Variants in DOT1L observed in about 807,000 individuals in gnomAD.
DOT1L encodes DOT1 like histone lysine methyltransferase, also known as histone-lysine N-methyltransferase, H3 lysine-79 specific.
Under a neutral mutation model 153.3 loss-of-function variants are expected in DOT1L, and 33 were observed. The observed-to-expected ratio is 0.22, with a 90% CI of 0.16 to 0.29. The LOEUF is 0.29. Ranked by LOEUF, DOT1L falls within the 10% of genes least tolerant of loss-of-function variation. DOT1L has a pLI of 1.00. For synonymous variants in DOT1L, 1,135 were observed against 965.1 expected (o/e 1.18, Z -3.26); for missense variants, 1,847 against 2,119.9 (o/e 0.87, Z 2.53).
At chr19:2,183,695 C>T (rs922239197) in intron 2 of DOT1L, among the ~76,000 whole-genome samples, 6 of 151,488 alleles carry the variant, frequency 4.0e-5, no homozygotes, top group African/African-American at 4.9e-5. Flanking sequence ...GGCGCATCCT[C>T]GGCTCCCTGC....
intron 2 of DOT1L, among the ~76,000 whole-genome samples, chr19:2,181,622 C>T (rs746762599): frequency 1.2e-4 from 19 of 152,210 alleles, no homozygotes; most frequent in Non-Finnish European, 2.9e-5. Context: ...AATGTGGGAT[C>T]TGCTTTTTTT....
At position 2,189,702 on chromosome 19, in the gene DOT1L, A is replaced by G. The variant is rs759089252; in HGVS notation, c.201-30A>G. The G allele has an allele frequency of 7.2e-5, 116 of 1,607,070 alleles. 1 individual carries two copies. The highest frequency in any genetic ancestry group is 7.5e-5 in the Non-Finnish European group (88 of 1,179,810). On this transcript the variant is annotated intron_variant, in intron 3 of 27. Transcript: ENST00000398665. Reference sequence around the variant, plus strand: ...ATGCATGCGGCTGGCTCCTGCCCGCATGACCAGGGCCTTCCCTTGCCTTTT... The same window carrying G: ...ATGCATGCGGCTGGCTCCTGCCCGCGTGACCAGGGCCTTCCCTTGCCTTTT...
intron 6 of DOT1L, among the ~76,000 whole-genome samples, chr19:2,194,100 G>C (rs1238589574): frequency 4.6e-5 from 7 of 152,220 alleles, no homozygotes. Flanking sequence ...GAGAAGCGGG[G>C]TGTTTTGGGT....
In DOT1L at chr19:2,197,007, C is replaced by T. The variant is rs60261364; in HGVS notation, c.651+2430C>T. Among the ~76,000 whole-genome samples the T allele has an allele frequency of 6.3e-3, 964 of 152,314 alleles. 6 individuals are homozygous for T. The highest frequency in any genetic ancestry group is 0.022 in the African/African-American group (900 of 41,564). ...TGTGATGGGTTTCCAGTGCTGAACG[C>T]GTCCGCCTTGGTCGGCGTGCGATTC... On this transcript the variant is annotated intron_variant, in intron 7 of 27. Transcript: ENST00000398665. This position sits in a 1 kb window ranked among gnomAD's most constrained non-coding sequence, Gnocchi z 4.1.
rs926414874 is a variant in DOT1L at position 2,207,798 on chromosome 19, G to GC, written c.963+124dup. The stretch of plus-strand genomic sequence containing the variant: ...AGACCCTCCCCTCAGAGCCCTCAAC[G>GC]CCCCCCGGCCCCTGAGCTCAGGCCC... On this transcript the variant is annotated intron_variant, in intron 11 of 27. Coordinates refer to ENST00000398665, the MANE Select transcript of DOT1L (RefSeq NM_032482.3). The surrounding 1 kb of genome is among the most constrained non-coding windows in gnomAD (Gnocchi z 4.5). 35 of 913,546 alleles carry GC rather than the reference G, an allele frequency of 3.8e-5. No homozygotes were observed. Among genetic ancestry groups the GC allele is most frequent in the Middle Eastern group, 4.4e-4 (2 of 4,512 alleles). 56.6% of individuals were successfully genotyped at this position (913,546 alleles called of 1,614,324 possible).
chr19:2,227,236 C>T (rs1339488224), intron 27 of DOT1L, 109 bp downstream of exon 27: 11 of 1,392,864 alleles, frequency 7.9e-6, no homozygotes, highest in Admixed American at 3.4e-5. Context: ...AGCTGCAGGT[C>T]CCCTGGTGCC....
rs1193478484 is a variant in DOT1L at position 2,220,077 on chromosome 19, GC to G, written c.2692-27del. On this transcript the variant is annotated intron_variant, in intron 22 of 27. Coordinates refer to ENST00000398665, the MANE Select transcript of DOT1L (RefSeq NM_032482.3). This position sits in a 1 kb window ranked among gnomAD's most constrained non-coding sequence, Gnocchi z 4.5. ...TTCTGGGTCTCCTGGGGCACCTGCT[GC>G]CCCTGACACACAGGGTTTTCTCTCT... The G allele has an allele frequency of 6.4e-7, 1 of 1,572,114 alleles. No homozygotes were observed. Among genetic ancestry groups the G allele is most frequent in the Admixed American group, 1.7e-5 (1 of 57,720 alleles).
At chr19:2,202,582 A>G in intron 8 of DOT1L, 118 bp from the exon 9 acceptor site, 1 of 973,526 alleles carries the variant, frequency 1.0e-6, no homozygotes. Context: ...TTGGCCCTGG[A>G]GGTGGCGGGC....
intron 5 of DOT1L, among the ~76,000 whole-genome samples, chr19:2,192,511 A>G (rs1000363810): frequency 6.6e-6 from 1 of 151,996 alleles, no homozygotes; most frequent in African/African-American, 2.4e-5. Context: ...TCCCTCTACT[A>G]AAAGTACAAA....
intron 1 of DOT1L, among the ~76,000 whole-genome samples, chr19:2,179,073 TG>T (rs113826556): frequency 3.7e-4 from 56 of 150,120 alleles, no homozygotes; most frequent in Admixed American, 6.6e-4. Context: ...TAAGGAAAGC[TG>T]GGGGGGGGTC....
At chr19:2,227,511 G>A in intron 27 of DOT1L, 1 of 523,508 alleles carries the variant, frequency 1.9e-6, no homozygotes, top group Non-Finnish European at 3.5e-6. Flanking sequence ...AGGGCGGAGA[G>A]GAGCCGCCGG....
intron 2 of DOT1L, among the ~76,000 whole-genome samples, chr19:2,183,056 G>A (rs1299218688): frequency 2.0e-5 from 3 of 152,138 alleles, no homozygotes; most frequent in Admixed American, 1.3e-4. Flanking sequence ...GGGTTCTCAC[G>A]GTGTGGCTGC....
chr19:2,223,158 AG>A (rs2024193768), intron 24 of DOT1L, 122 bp from the exon 25 acceptor site: 1 of 1,027,912 alleles, frequency 9.7e-7, no homozygotes, highest in Admixed American at 2.2e-5. Context: ...GCCGCTGGGC[AG>A]GGCATCAGTT....
intron 1 of DOT1L, among the ~76,000 whole-genome samples, chr19:2,166,301 C>T (rs1266025688): frequency 6.7e-6 from 1 of 150,082 alleles, no homozygotes; most frequent in East Asian, 2.0e-4. Flanking sequence ...TCTCCATGTT[C>T]ATCAGGCTGC....
Position 2,220,138 on chromosome 19 carries a change from C to T in DOT1L, c.2722C>T (p.Arg908Cys), listed in dbSNP as rs1192152935. Residue 908 changes from arginine (R) to cysteine (C), a missense_variant, in exon 23 of 28, where the codon CGT becomes TGT. Arg to Cys is a radical substitution (Grantham distance 180). Transcript: ENST00000398665. This position sits in a 1 kb window ranked among gnomAD's most constrained non-coding sequence, Gnocchi z 4.5. ...RSTPSPVLQP[R>C]DPSSTLEKQI... ...CACCCCCAGTCCCGTGCTGCAGCCC[C>T]GTGACCCCTCGTCCACACTTGAAAA... 1.9e-6 allele frequency: 3 copies of T among 1,612,812 alleles called. No individual in the cohort carries two copies. Among genetic ancestry groups the T allele is most frequent in the South Asian group, 1.1e-5 (1 of 91,062 alleles).
rs747864306 is a variant in DOT1L, at chr19:2,227,015, C to A, written c.4494C>A (p.Phe1498Leu). Residue 1498 changes from phenylalanine (F) to leucine (L), a missense_variant, in exon 27 of 28, where the codon TTC (phenylalanine) becomes TTA (leucine). Coordinates refer to ENST00000398665, the MANE Select transcript of DOT1L (RefSeq NM_032482.3). ...GCTCCTCCGTGCTGCAGTCGCTGTT[C>A]AGCTCTGTGCCGGCCGCCGCAGGCC... ...VAGSSVLQSL[F>L]SSVPAAAGLV... The A allele has an allele frequency of 6.3e-7, 1 of 1,589,172 alleles. No homozygotes were observed. The highest frequency in any genetic ancestry group is 8.5e-7 in the Non-Finnish European group (1 of 1,174,714).
At chr19:2,203,630 G>A (rs924351321) in intron 9 of DOT1L, among the ~76,000 whole-genome samples, 18 of 152,196 alleles carry the variant, frequency 1.2e-4, no homozygotes, top group Admixed American at 7.2e-4. Context: ...TTTCAGGAGC[G>A]GAGAACTCAG....
At chr19:2,219,903 A>G (rs548270630) in intron 22 of DOT1L, among the ~76,000 whole-genome samples, 59 of 152,168 alleles carry the variant, frequency 3.9e-4, no homozygotes, top group Non-Finnish European at 7.6e-4. Context: ...GCCCATTCAC[A>G]CGCAGGCACC....
At position 2,207,913 on chromosome 19, in the gene DOT1L, G is replaced by A. The variant is rs2023566239; in HGVS notation, c.963+233G>A. ...GGCGTGTCCTGGGTGAGGGCTGAGT[G>A]CTGTCTCCCCTAGTCTACGCTCAGC... On this transcript the variant is annotated intron_variant, in intron 11 of 27. Coordinates refer to ENST00000398665, the MANE Select transcript of DOT1L (RefSeq NM_032482.3). This position sits in a 1 kb window ranked among gnomAD's most constrained non-coding sequence, Gnocchi z 4.5. Among the ~76,000 whole-genome samples, 1 of 152,062 alleles carries A rather than the reference G, an allele frequency of 6.6e-6. No individual in the cohort carries two copies. Among genetic ancestry groups the A allele is most frequent in the Non-Finnish European group, 1.5e-5 (1 of 67,966 alleles).
Sources: gnomAD v4.1 joint callset for allele counts (sites outside exome capture counted in the v4.1 genomes callset) on GRCh38, gnomAD v4.1.1 for gene constraint, Gnocchi (gnomAD v3.1) non-coding constraint, MANE v1.5 for transcripts, NCBI Gene and HGNC (gene_info 2026-07-23, HGNC 2026-07-21) for gene names.